EPM2A: variants seen among roughly 807,000 people sequenced by gnomAD.
EPM2A encodes laforin.
Under a neutral mutation model 26.5 loss-of-function variants are expected in EPM2A, and 21 were observed. That is an observed-to-expected ratio of 0.79 (90% CI 0.56 to 1.14). The LOEUF (loss-of-function observed/expected upper bound fraction) is 1.14, where lower values mean the gene tolerates loss of function less well. Ranked by LOEUF, EPM2A falls within the 50% of genes most tolerant of loss-of-function variation. The pLI is 0.00. For synonymous variants in EPM2A, 217 were observed against 177.6 expected (o/e 1.22, Z -1.76); for missense variants, 458 against 440.8 (o/e 1.04, Z -0.35).
intron 4 of EPM2A, among the ~76,000 whole-genome samples, chr6:145,444,633 A>G (rs1440267753): frequency 2.0e-5 from 3 of 152,188 alleles, no homozygotes; most frequent in African/African-American, 7.2e-5. Flanking sequence ...TCCTCAATTA[A>G]ATAGCTTATT....
intron 4 of EPM2A, among the ~76,000 whole-genome samples, chr6:145,465,062 CAG>C (rs66824545): frequency 0.082 from 12,528 of 151,976 alleles, 709 homozygotes; most frequent in East Asian, 0.27. Flanking sequence ...TAATATCCTG[CAG>C]AGTGTTTTCC....
At chr6:145,430,462 G>A (rs889793817) in intron 4 of EPM2A, among the ~76,000 whole-genome samples, 5 of 150,638 alleles carry the variant, frequency 3.3e-5, no homozygotes, top group South Asian at 2.1e-4. Flanking sequence ...TTAGCTGGGC[G>A]TGGTGGTGGG....
intron 4 of EPM2A, among the ~76,000 whole-genome samples, chr6:145,470,848 A>C (rs1218461910): frequency 6.6e-6 from 1 of 152,176 alleles, no homozygotes; most frequent in Non-Finnish European, 1.5e-5. Context: ...TCATAAAATA[A>C]TACTATATAA....
rs114015725 is a variant in EPM2A at position 145,549,877 on chromosome 6, A to G, written c.341-47302T>C. The stretch of plus-strand genomic sequence containing the variant: ...GGCTCTGCTTCTCTGCTGCTTCCTC[A>G]TGTACCACACACCTCAATATTCTCC... On this transcript the variant is annotated intron_variant, in intron 2 of 3. Transcript: ENST00000450221. 1.6e-3 allele frequency among the ~76,000 whole-genome samples: 248 copies of G among 152,220 alleles called. 3 individuals carry two copies. Among genetic ancestry groups the G allele is most frequent in the African/African-American group, 5.7e-3 (235 of 41,556 alleles).
In EPM2A at chr6:145,516,428, T is replaced by C. The variant is rs553208905; in HGVS notation, c.341-13853A>G. Among the ~76,000 whole-genome samples the C allele has an allele frequency of 3.9e-5, 6 of 152,242 alleles. No homozygotes were observed. In the South Asian group the frequency reaches 8.3e-4, roughly 21 times the overall value. The stretch of plus-strand genomic sequence containing the variant: ...ATGAACTAGGAGTTCAGTCAATGCC[T>C]AGTGATTAAATTAGAGGTGAAAGGC... On this transcript the variant is annotated intron_variant, in intron 2 of 3. Coordinates refer to the EPM2A transcript ENST00000450221.
exon 4 of EPM2A, chr6:145,501,804 G>A (rs1423148068): frequency 2.1e-6 from 1 of 471,116 alleles, no homozygotes; most frequent in South Asian, 1.5e-5. Flanking sequence ...AGATATTTGT[G>A]TCTTACTTTT....
At chr6:145,421,234 A>G (rs2114683502) in intron 4 of EPM2A, among the ~76,000 whole-genome samples, 1 of 152,278 alleles carries the variant, frequency 6.6e-6, no homozygotes, top group Non-Finnish European at 1.5e-5. Flanking sequence ...ATAGACAGTG[A>G]AGGACTAAAC....
At chr6:145,500,466 C>T (rs1050951666), downstream of EPM2A, among the ~76,000 whole-genome samples, 2 of 152,176 alleles carry the variant, frequency 1.3e-5, no homozygotes, top group Non-Finnish European at 2.9e-5. Flanking sequence ...TGCACTCAGC[C>T]ACTCAGATAT....
chr6:145,397,608 A>G (rs1412505051), intron 4 of EPM2A, among the ~76,000 whole-genome samples: 1 of 152,160 alleles, frequency 6.6e-6, no homozygotes, highest in Non-Finnish European at 1.5e-5. Context: ...AAATCTTTTT[A>G]CAGCTTCCAG....
At position 145,635,396 on chromosome 6, in the gene EPM2A, T is replaced by C. The variant is rs765641184; in HGVS notation, c.567A>G (p.Val189=). The stretch of plus-strand genomic sequence containing the variant: ...TATCCCATTCAGTCTGGAAATTCAT[T>C]ACAGCTGTAATCCCCAATTCATGCT... ...KLKHELGITA[V]MNFQTEWDIV... is the part of the protein sequence containing the mutation. Residue 189 remains valine, a synonymous_variant, in exon 3 of 4, where the codon GTA becomes GTG. Transcript: ENST00000367519. 5 of 1,614,032 alleles carry C rather than the reference T, an allele frequency of 3.1e-6. No individual in the cohort carries two copies. Among genetic ancestry groups the C allele is most frequent in the Middle Eastern group, 3.3e-4 (2 of 6,084 alleles).
intron 2 of EPM2A, among the ~76,000 whole-genome samples, chr6:145,662,722 G>T (rs980995040): frequency 6.6e-6 from 1 of 152,104 alleles, no homozygotes; most frequent in Non-Finnish European, 1.5e-5. Flanking sequence ...CATGTCAGGG[G>T]GATCAGATAT....
chr6:145,443,232 T>C (rs1779088864), intron 4 of EPM2A, among the ~76,000 whole-genome samples: 2 of 152,204 alleles, frequency 1.3e-5, no homozygotes, highest in African/African-American at 4.8e-5. Context: ...TGGTTCCATA[T>C]GAACCTTAGA....
intron 1 of EPM2A, among the ~76,000 whole-genome samples, chr6:145,697,482 A>C (rs1338134941): frequency 6.6e-6 from 1 of 152,152 alleles, no homozygotes; most frequent in South Asian, 2.1e-4. Flanking sequence ...AGGGTTTGAG[A>C]GCAGACAACT....
At chr6:145,549,561 C>T (rs1309893401) in intron 2 of EPM2A, among the ~76,000 whole-genome samples, 2 of 151,988 alleles carry the variant, frequency 1.3e-5, no homozygotes, top group African/African-American at 4.8e-5. Flanking sequence ...CTTCTTAGTC[C>T]CTTGCCAAAA....
At chr6:145,468,629 A>T (rs1779431354) in intron 4 of EPM2A, among the ~76,000 whole-genome samples, 1 of 85,828 alleles carries the variant, frequency 1.2e-5, no homozygotes, top group Admixed American at 1.4e-4. Context: ...ACAAAAATCA[A>T]ATCAAAAAGA....
At chr6:145,543,087 T>C (rs1362529938) in intron 2 of EPM2A, among the ~76,000 whole-genome samples, 3 of 152,164 alleles carry the variant, frequency 2.0e-5, no homozygotes, top group African/African-American at 7.2e-5. Flanking sequence ...GTTTTTGTAT[T>C]TTGTTTTGTT....
At chr6:145,472,966 G>C (rs1779495310) in intron 4 of EPM2A, among the ~76,000 whole-genome samples, 1 of 151,876 alleles carries the variant, frequency 6.6e-6, no homozygotes, top group African/African-American at 2.4e-5. Flanking sequence ...TACAATAAAT[G>C]CCTAACTCTT....
chr6:145,679,898 C>T (rs192924165), intron 2 of EPM2A, among the ~76,000 whole-genome samples: 17 of 152,032 alleles, frequency 1.1e-4, no homozygotes, highest in East Asian at 5.8e-4. Context: ...CGAATATACA[C>T]GTGGAATACT....
intron 2 of EPM2A, among the ~76,000 whole-genome samples, chr6:145,507,224 A>T (rs528271744): frequency 9.2e-5 from 14 of 152,200 alleles, no homozygotes; most frequent in Non-Finnish European, 1.6e-4. Flanking sequence ...TTTTCCCAAG[A>T]TGGTGACAAA....
Sources: allele counts gnomAD v4.1 joint callset (sites outside exome capture counted in the v4.1 genomes callset), GRCh38; gene constraint gnomAD v4.1.1; transcripts MANE v1.5; gene names NCBI Gene and HGNC (gene_info 2026-07-23, HGNC 2026-07-21).